Variants in UQCC1 observed in about 807,000 individuals in gnomAD.
UQCC1 encodes the protein ubiquinol-cytochrome c reductase complex assembly factor 1, also known as bFGF-repressed Zic-binding protein.
In UQCC1, 38 loss-of-function variants were observed where a neutral mutation model predicts 48.0. That is an observed-to-expected ratio of 0.79 (90% CI 0.61 to 1.04). The LOEUF is 1.04. UQCC1 is among the 50% of genes least tolerant of loss of function. The pLI, the probability that UQCC1 is intolerant of heterozygous loss-of-function variation, is 0.00. For missense variants in UQCC1, 368 were observed against 381.8 expected (o/e 0.96, Z 0.30); for synonymous variants, 111 against 129.2 (o/e 0.86, Z 0.95).
At chr20:35,388,663 T>C (rs1331389524) in intron 2 of UQCC1, among the ~76,000 whole-genome samples, 1 of 152,194 alleles carries the variant, frequency 6.6e-6, no homozygotes, top group Non-Finnish European at 1.5e-5. Flanking sequence ...CAAAGCTATG[T>C]TCTGTCCGCT....
chr20:35,368,264 G>C (rs1218468975), intron 5 of UQCC1, among the ~76,000 whole-genome samples: 5 of 152,150 alleles, frequency 3.3e-5, no homozygotes, highest in Admixed American at 2.0e-4. Context: ...CAATAATAAA[G>C]AGCTGTAATT....
chr20:35,307,265 C>G (rs1184666255), intron 8 of UQCC1, among the ~76,000 whole-genome samples: 2 of 152,202 alleles, frequency 1.3e-5, no homozygotes, highest in Non-Finnish European at 1.5e-5. Flanking sequence ...GGCAAGGCAA[C>G]TGGTCCTTGG....
Position 35,314,718 on chromosome 20 carries a change from A to T in UQCC1, c.621T>A (p.His207Gln). 1 of 1,609,148 alleles carries T rather than the reference A, an allele frequency of 6.2e-7. No homozygotes were observed. The highest frequency in any genetic ancestry group is 1.7e-5 in the Admixed American group (1 of 59,960). ...CATATCCCAAGATCGCTGCATAGAA[A>T]TGATTTGTCATGAGGATCATGTTCT... ...LKKNMILMTNHFYAAILGYDE... is the reference protein window; with the variant it reads ...LKKNMILMTNQFYAAILGYDE... Residue 207 changes from histidine (H) to glutamine (Q), a missense_variant, in exon 8 of 10, where the codon CAT becomes CAA. Coordinates refer to ENST00000374385, the MANE Select transcript of UQCC1 (RefSeq NM_018244.5).
chr20:35,340,516 T>A (rs2061365500), intron 7 of UQCC1, among the ~76,000 whole-genome samples: 1 of 152,324 alleles, frequency 6.6e-6, no homozygotes, highest in East Asian at 1.9e-4. Flanking sequence ...TCACACTTTT[T>A]TCCCCCCACC....
chr20:35,387,856 A>T (rs1209472729), intron 2 of UQCC1, among the ~76,000 whole-genome samples: 4 of 152,122 alleles, frequency 2.6e-5, no homozygotes, highest in Admixed American at 2.6e-4. Context: ...TTCCCAAGCA[A>T]CAGGAACATA....
rs535133203 is a variant in UQCC1, at chr20:35,324,515, A to T, written c.574-9750T>A. On this transcript the variant is annotated intron_variant, in intron 7 of 9. Coordinates refer to ENST00000374385, the MANE Select transcript of UQCC1 (RefSeq NM_018244.5). Reference sequence around the variant, plus strand: ...CTAATTTGTTGTATTTTTAGTAGAGACGGGGTTTCACCGTGTTAGCCAGGA... The same window carrying T: ...CTAATTTGTTGTATTTTTAGTAGAGTCGGGGTTTCACCGTGTTAGCCAGGA... Among the ~76,000 whole-genome samples, 5 of 152,200 alleles carry T rather than the reference A, an allele frequency of 3.3e-5. No homozygotes were observed. The South Asian group carries it at 6.2e-4, about 19-fold the overall frequency.
At chr20:35,321,641 G>C (rs1050039463) in intron 7 of UQCC1, among the ~76,000 whole-genome samples, 1 of 152,122 alleles carries the variant, frequency 6.6e-6, no homozygotes, top group Admixed American at 6.6e-5. Context: ...GATCACTTGA[G>C]GCCAGGAGTT....
chr20:35,392,081 C>G (rs987029003), intron 2 of UQCC1, among the ~76,000 whole-genome samples: 18 of 152,116 alleles, frequency 1.2e-4, no homozygotes, highest in African/African-American at 4.3e-4. Context: ...ATGTCAGGCC[C>G]TTGACATACA....
In UQCC1 at chr20:35,387,127, A is replaced by G. The variant is rs115470849; in HGVS notation, c.130-2994T>C. Among the ~76,000 whole-genome samples the G allele has an allele frequency of 8.6e-3, 1,308 of 151,946 alleles. 22 individuals are homozygous for G. Among genetic ancestry groups the G allele is most frequent in the African/African-American group, 0.03 (1,233 of 41,432 alleles). ...CACCATCTCTACCCCCCTCCAAAAAAAAACAAAAATTAGCCAGGCATGGTG... is the reference window on the plus strand; with the variant it reads ...CACCATCTCTACCCCCCTCCAAAAAGAAACAAAAATTAGCCAGGCATGGTG... On this transcript the variant is annotated intron_variant, in intron 2 of 9. Transcript: ENST00000374385.
intron 7 of UQCC1, among the ~76,000 whole-genome samples, chr20:35,329,822 T>TATG (rs2146344283): frequency 6.6e-6 from 1 of 152,334 alleles, no homozygotes; most frequent in African/African-American, 2.4e-5. Flanking sequence ...CCCCAAGAGC[T>TATG]CGTCACAGTG....
At chr20:35,374,890 A>AT (rs1310269786) in intron 4 of UQCC1, among the ~76,000 whole-genome samples, 2 of 152,078 alleles carry the variant, frequency 1.3e-5, no homozygotes, top group East Asian at 3.8e-4. Flanking sequence ...GGTGGTTTTA[A>AT]TTTTTTCACT....
intron 6 of UQCC1, among the ~76,000 whole-genome samples, chr20:35,359,502 T>C (rs1409927233): frequency 3.3e-5 from 5 of 152,240 alleles, no homozygotes; most frequent in Admixed American, 2.0e-4. Flanking sequence ...AGATTCTTGT[T>C]ATTCCTGATG....
chr20:35,341,504 T>C (rs776581039), intron 7 of UQCC1, among the ~76,000 whole-genome samples: 9 of 152,266 alleles, frequency 5.9e-5, no homozygotes, highest in Admixed American at 3.3e-4. Flanking sequence ...TCCTTCATTC[T>C]TCAGATAGTT....
chr20:35,328,011 G>GA (rs11481307), intron 7 of UQCC1, among the ~76,000 whole-genome samples: 50,806 of 125,564 alleles, frequency 0.4, 9,466 homozygotes, highest in African/African-American at 0.51. Flanking sequence ...ACAAAAAAAG[G>GA]AAAAAAAAAA....
rs762985804 is a variant in UQCC1, at chr20:35,347,279, G to A, written c.465-7C>T. 4 of 1,613,364 alleles carry A rather than the reference G, an allele frequency of 2.5e-6. No homozygotes were observed. The highest frequency in any genetic ancestry group is 2.5e-6 in the Non-Finnish European group (3 of 1,179,466). Reference sequence around the variant, plus strand: ...CATTCGGACTAGACACATCCTGGGTGGGAAGAAGACAAAAAAAGTCTTGGC... The same window carrying A: ...CATTCGGACTAGACACATCCTGGGTAGGAAGAAGACAAAAAAAGTCTTGGC... On this transcript the variant is annotated splice_polypyrimidine_tract_variant and splice_region_variant and intron_variant, in intron 6 of 9. Transcript: ENST00000374385.
chr20:35,404,176 T>G (rs1304245002), intron 1 of UQCC1, among the ~76,000 whole-genome samples: 1 of 151,970 alleles, frequency 6.6e-6, no homozygotes, highest in African/African-American at 2.4e-5. Flanking sequence ...GGTCAGGAGA[T>G]CGAGACCACG....
chr20:35,352,658 T>C (rs2061502212), intron 6 of UQCC1, among the ~76,000 whole-genome samples: 1 of 151,110 alleles, frequency 6.6e-6, no homozygotes, highest in African/African-American at 2.4e-5. Context: ...AGGCCTAGGC[T>C]AATGTGAGTG....
intron 7 of UQCC1, among the ~76,000 whole-genome samples, chr20:35,326,252 G>A (rs2061192410): frequency 6.6e-6 from 1 of 152,206 alleles, no homozygotes; most frequent in Admixed American, 6.5e-5. Flanking sequence ...TAGATGAGGA[G>A]GAGGAAAGGG....
intron 7 of UQCC1, chr20:35,345,061 A>G (rs2061418484): frequency 1.3e-5 from 2 of 152,302 alleles, no homozygotes. Context: ...CAGGAAAGGT[A>G]TGGAATCTCC....
Sources: gnomAD v4.1 joint callset for allele counts (sites outside exome capture counted in the v4.1 genomes callset) on GRCh38, gnomAD v4.1.1 for gene constraint, MANE v1.5 for transcripts, NCBI Gene and HGNC (gene_info 2026-07-23, HGNC 2026-07-21) for gene names.